The following ASB3 variants were observed in gnomAD, a reference collection of about 807,000 sequenced individuals.
The protein encoded by ASB3 is ankyrin repeat and SOCS box protein 3.
In ASB3, 41 loss-of-function variants were observed where a neutral mutation model predicts 54.5. That is an observed-to-expected ratio of 0.75 (90% CI 0.59 to 0.98). The LOEUF is 0.98. ASB3 is among the 50% of genes least tolerant of loss of function. The probability of loss-of-function intolerance (pLI) is 0.00; values close to 1 mark genes in which losing one functional copy is unlikely to be tolerated. For missense variants in ASB3, 733 were observed against 620.0 expected, an observed-to-expected ratio of 1.18 and a Z score of -1.94; for synonymous variants, 266 against 221.2, an observed-to-expected ratio of 1.20 and a Z score of -1.80.
intron 7 of ASB3, among the ~76,000 whole-genome samples, chr2:53,707,818 C>T (rs995576176): frequency 6.6e-6 from 1 of 151,502 alleles, no homozygotes; most frequent in Non-Finnish European, 1.5e-5. Context: ...AAAAATTAGC[C>T]GGGTATGGTG....
intron 2 of ASB3, among the ~76,000 whole-genome samples, chr2:53,761,250 A>C (rs1673127204): frequency 6.6e-6 from 1 of 152,140 alleles, no homozygotes; most frequent in Non-Finnish European, 1.5e-5. Flanking sequence ...CTAAAATACA[A>C]ATTAGGCTAC....
At chr2:53,695,918 C>T (rs938130684) in intron 8 of ASB3, among the ~76,000 whole-genome samples, 2 of 152,012 alleles carry the variant, frequency 1.3e-5, no homozygotes, top group Admixed American at 6.6e-5. Flanking sequence ...TTATAATTTA[C>T]GTGACAAAGA....
chr2:53,765,579 G>T lies in ASB3; in HGVS notation c.-7C>A. The T allele has an allele frequency of 6.2e-7, 1 of 1,614,070 alleles. No homozygotes were observed. The highest frequency in any genetic ancestry group is 1.1e-5 in the South Asian group (1 of 91,046). Reference sequence around the variant, plus strand: ...AAGCCTCTGTAAAATCCATTTGTTTGACCAGTCTACAAAACAAGGTAGAAG... The same window carrying T: ...AAGCCTCTGTAAAATCCATTTGTTTTACCAGTCTACAAAACAAGGTAGAAG... On this transcript the variant is annotated 5_prime_UTR_variant, in exon 2 of 10. Coordinates refer to ENST00000263634, the MANE Select transcript of ASB3 (RefSeq NM_016115.5).
intron 1 of ASB3, chr2:53,774,217 G>T (rs367818994): frequency 2.5e-6 from 4 of 1,613,912 alleles, no homozygotes; most frequent in Non-Finnish European, 3.4e-6. Flanking sequence ...TGACTTCAGA[G>T]AAAAAGGAGG....
chr2:53,773,945 G>A (rs1186024154), intron 1 of ASB3, among the ~76,000 whole-genome samples: 1 of 152,072 alleles, frequency 6.6e-6, no homozygotes, highest in African/African-American at 2.4e-5. Context: ...TGAGGCAGGA[G>A]AATAGCTTGA....
chr2:53,679,585 T>C (rs1668255341), intron 9 of ASB3, among the ~76,000 whole-genome samples: 2 of 152,278 alleles, frequency 1.3e-5, no homozygotes, highest in South Asian at 2.1e-4. Flanking sequence ...CTCTGAATCT[T>C]TGATGTCGTT....
At chr2:53,676,430 C>T (rs1433737297) in intron 9 of ASB3, among the ~76,000 whole-genome samples, 1 of 152,228 alleles carries the variant, frequency 6.6e-6, no homozygotes, top group African/African-American at 2.4e-5. Context: ...TAAGCCATTA[C>T]TGTTGCCAAT....
chr2:53,745,769 CA>C (rs138853124), intron 3 of ASB3, among the ~76,000 whole-genome samples: 1,624 of 152,282 alleles, frequency 0.011, 29 homozygotes, highest in African/African-American at 0.037. Flanking sequence ...CAAAATACCT[CA>C]AACAACATAT....
chr2:53,677,243 A>G (rs1668129540), intron 9 of ASB3, among the ~76,000 whole-genome samples: 1 of 152,200 alleles, frequency 6.6e-6, no homozygotes, highest in African/African-American at 2.4e-5. Context: ...TCTAGTTTAT[A>G]TAAGAATACT....
chr2:53,677,016 G>A lies in ASB3; in HGVS notation c.1370-6326C>T, dbSNP rs534797132. 1.5e-4 allele frequency among the ~76,000 whole-genome samples: 23 copies of A among 152,096 alleles called. 1 individual carries two copies. Among genetic ancestry groups the A allele is most frequent in the Admixed American group, 9.8e-4 (15 of 15,262 alleles). ...ACTCCTGACCTCAGGTGATCCACCCGCCTCAGCCTCCCAAAGTGCTGGGAT... is the reference window on the plus strand; with the variant it reads ...ACTCCTGACCTCAGGTGATCCACCCACCTCAGCCTCCCAAAGTGCTGGGAT... On this transcript the variant is annotated intron_variant, in intron 9 of 9. Coordinates refer to ENST00000263634, the MANE Select transcript of ASB3 (RefSeq NM_016115.5).
At chr2:53,670,924 G>A (rs1667777997) in intron 9 of ASB3, among the ~76,000 whole-genome samples, 1 of 152,138 alleles carries the variant, frequency 6.6e-6, no homozygotes, top group Non-Finnish European at 1.5e-5. Flanking sequence ...AGTATCCAGG[G>A]CCGCAAACAC....
chr2:53,697,316 C>A (rs1041678342), intron 8 of ASB3, among the ~76,000 whole-genome samples: 1 of 152,198 alleles, frequency 6.6e-6, no homozygotes, highest in Admixed American at 6.5e-5. Flanking sequence ...GAATAATTCA[C>A]CCCTTGTTTA....
intron 7 of ASB3, among the ~76,000 whole-genome samples, chr2:53,711,183 TG>T (rs973772233): frequency 1.1e-4 from 16 of 152,028 alleles, no homozygotes; most frequent in African/African-American, 3.6e-4. Context: ...ATTTAAAGCT[TG>T]GGGTAAGTCA....
At chr2:53,773,720 C>T (rs1674114752) in intron 1 of ASB3, among the ~76,000 whole-genome samples, 1 of 151,804 alleles carries the variant, frequency 6.6e-6, no homozygotes, top group Admixed American at 6.6e-5. Flanking sequence ...TGAGCCACCG[C>T]TCCTGGCCCA....
At chr2:53,697,436 T>A (rs1669245206) in intron 8 of ASB3, among the ~76,000 whole-genome samples, 1 of 151,154 alleles carries the variant, frequency 6.6e-6, no homozygotes, top group Admixed American at 6.6e-5. Context: ...ATAAACATGA[T>A]TTCACTTTAC....
At chr2:53,700,660 A>T in intron 7 of ASB3, 132 bp from the exon 8 acceptor site, 1 of 1,274,204 alleles carries the variant, frequency 7.8e-7, no homozygotes, top group Non-Finnish European at 1.0e-6. Flanking sequence ...GTTTCTACAC[A>T]TCTAGTGGAT....
Position 53,714,492 on chromosome 2 carries a change from C to T in ASB3, c.872G>A (p.Gly291Glu), listed in dbSNP as rs778859419. 5.6e-6 allele frequency: 9 copies of T among 1,614,236 alleles called. No individual in the cohort carries two copies. In the East Asian group the frequency reaches 1.3e-4, roughly 24 times the overall value. ...VSPVYSAVFGGHEDCLEILLR... is the reference protein window; with the variant it reads ...VSPVYSAVFGEHEDCLEILLR... Reference sequence around the variant, plus strand: ...TAATATTTCTAGGCAATCTTCATGTCCCCCAAACACTGCTGAGTAAACAGG... The same window carrying T: ...TAATATTTCTAGGCAATCTTCATGTTCCCCAAACACTGCTGAGTAAACAGG... The change falls in exon 7 of 10, where the codon GGA (glycine) becomes GAA (glutamate). Residue 291 changes from glycine to glutamate, a missense_variant. Transcript: ENST00000263634.
At chr2:53,738,232 T>C (rs1671750909) in intron 3 of ASB3, among the ~76,000 whole-genome samples, 2 of 152,200 alleles carry the variant, frequency 1.3e-5, no homozygotes, top group Non-Finnish European at 2.9e-5. Context: ...TTGGCTAAGC[T>C]GGTGTTTCTT....
chr2:53,728,599 T>G (rs543714942), intron 5 of ASB3, 113 bp downstream of exon 5: 1 of 1,328,412 alleles, frequency 7.5e-7, no homozygotes, highest in Admixed American at 2.8e-5. Flanking sequence ...ACCACTTACA[T>G]AAAACCATAA....
Sources: gnomAD v4.1 joint callset for allele counts (sites outside exome capture counted in the v4.1 genomes callset) on GRCh38, gnomAD v4.1.1 for gene constraint, MANE v1.5 for transcripts, NCBI Gene and HGNC (gene_info 2026-07-23, HGNC 2026-07-21) for gene names.